DLGAP2: variants seen among roughly 807,000 people sequenced by gnomAD.
DLGAP2 encodes DLG associated protein 2.
DLGAP2 carries 26 observed loss-of-function variants against 100.3 expected under a neutral mutation model. That is an observed-to-expected ratio of 0.26 (90% CI 0.19 to 0.36). DLGAP2 has a LOEUF of 0.36. Among genes scored for constraint, DLGAP2 ranks in the 10% least tolerant of loss-of-function variants. DLGAP2 has a pLI of 1.00. For missense variants in DLGAP2, 1,858 were observed against 1,453.2 expected (o/e 1.28, Z -4.53); for synonymous variants, 886 against 630.1 (o/e 1.41, Z -6.08).
chr8:850,636 C>G (rs1389105658), intron 1 of DLGAP2, among the ~76,000 whole-genome samples: 2 of 152,034 alleles, frequency 1.3e-5, no homozygotes, highest in Non-Finnish European at 2.9e-5. Context: ...TTTATTTTAC[C>G]TAGAAGAAAA....
At chr8:1,140,964 C>T (rs926805892) in intron 2 of DLGAP2, among the ~76,000 whole-genome samples, 2 of 152,206 alleles carry the variant, frequency 1.3e-5, no homozygotes, top group Admixed American at 6.5e-5. Flanking sequence ...GCCTGGGTGA[C>T]AGGGCAAGAC....
chr8:1,342,829 G>C (rs930222987), intron 3 of DLGAP2, among the ~76,000 whole-genome samples: 2 of 152,170 alleles, frequency 1.3e-5, no homozygotes, highest in African/African-American at 4.8e-5. Context: ...ATTTAGCGCT[G>C]TATTTCTAAG....
chr8:916,382 G>A (rs148813743), intron 2 of DLGAP2, among the ~76,000 whole-genome samples: 10,182 of 152,214 alleles, frequency 0.067, 491 homozygotes, highest in Admixed American at 0.13. Flanking sequence ...TTTTAGGGAC[G>A]TGGATGAAGC....
chr8:1,492,207 C>T (rs1327280758), intron 3 of DLGAP2, among the ~76,000 whole-genome samples: 1 of 152,162 alleles, frequency 6.6e-6, no homozygotes, highest in Non-Finnish European at 1.5e-5. Context: ...CAAAGAAAAG[C>T]CATTAGTAAT....
chr8:1,451,510 C>G (rs1798158763), intron 3 of DLGAP2, among the ~76,000 whole-genome samples: 1 of 109,888 alleles, frequency 9.1e-6, no homozygotes, highest in Non-Finnish European at 1.9e-5. Context: ...TCAGCACCAC[C>G]CCTGGTCCCA....
chr8:875,466 G>A (rs1244931746), intron 1 of DLGAP2, among the ~76,000 whole-genome samples: 1 of 152,182 alleles, frequency 6.6e-6, no homozygotes, highest in African/African-American at 2.4e-5. Flanking sequence ...GAGATCTGGT[G>A]ATTTCATAAG....
At chr8:1,294,131 A>G (rs555372678) in intron 3 of DLGAP2, among the ~76,000 whole-genome samples, 40 of 152,218 alleles carry the variant, frequency 2.6e-4, no homozygotes, top group African/African-American at 8.9e-4. Flanking sequence ...GGGCAGACAC[A>G]TCACCTCCCG....
chr8:884,702 G>A (rs1448524439), intron 1 of DLGAP2, among the ~76,000 whole-genome samples: 3 of 152,072 alleles, frequency 2.0e-5, no homozygotes, highest in Admixed American at 2.0e-4. Flanking sequence ...TGAAGTCTTT[G>A]CCCTTGCCTA....
At chr8:1,638,255 A>G (rs144735455) in intron 8 of DLGAP2, among the ~76,000 whole-genome samples, 1 of 152,272 alleles carries the variant, frequency 6.6e-6, no homozygotes, top group East Asian at 1.9e-4. Flanking sequence ...GACCCTTCGA[A>G]GAGGTGACCA....
At chr8:824,856 G>A (rs1200086402) in intron 1 of DLGAP2, among the ~76,000 whole-genome samples, 2 of 152,114 alleles carry the variant, frequency 1.3e-5, no homozygotes, top group Admixed American at 6.5e-5. Context: ...GCCTCCAGCC[G>A]CAATTCACTG....
chr8:1,675,335 A>AC (rs367908999), intron 10 of DLGAP2, among the ~76,000 whole-genome samples: 49 of 151,832 alleles, frequency 3.2e-4, no homozygotes, highest in African/African-American at 1.1e-3. Flanking sequence ...TGAGCAAGTC[A>AC]CCCCCCTCCT....
chr8:1,202,509 C>G (rs569004546), intron 2 of DLGAP2, among the ~76,000 whole-genome samples: 1 of 151,982 alleles, frequency 6.6e-6, no homozygotes, highest in Non-Finnish European at 1.5e-5. Flanking sequence ...GTCAGACATA[C>G]AAAAACATGT....
Position 1,164,142 on chromosome 8 carries a change from G to GGATA in DLGAP2, c.74-94706_74-94705insAGAT, listed in dbSNP as rs1554494598. On this transcript the variant is annotated intron_variant, in intron 2 of 14. Coordinates refer to ENST00000637795, the MANE Select transcript of DLGAP2 (RefSeq NM_001346810.2). ...CAGGGCCCGTCATTTTGGTTTGTGG[G>GGATA]GATTTTTCTGTGAGCCCCCCAGGGC... Among the ~76,000 whole-genome samples, 5 of 28,522 alleles carry GGATA rather than the reference G, an allele frequency of 1.8e-4. 1 individual carries two copies. Among genetic ancestry groups the GGATA allele is most frequent in the Non-Finnish European group, 4.2e-4 (5 of 11,968 alleles). 18.7% of individuals were successfully genotyped at this position (28,522 alleles called of 152,430 possible).
chr8:1,003,573 C>G (rs921131141), intron 2 of DLGAP2, among the ~76,000 whole-genome samples: 3 of 152,256 alleles, frequency 2.0e-5, no homozygotes, highest in Non-Finnish European at 4.4e-5. Context: ...GTTGAAGCCA[C>G]TGTTCCTGAT....
intron 3 of DLGAP2, among the ~76,000 whole-genome samples, chr8:1,294,195 C>T (rs1800120574): frequency 6.6e-6 from 1 of 152,172 alleles, no homozygotes; most frequent in African/African-American, 2.4e-5. Context: ...CCCACACATC[C>T]CCTCCCACCT....
At chr8:1,115,127 A>T (rs1466524540) in intron 2 of DLGAP2, among the ~76,000 whole-genome samples, 1 of 152,160 alleles carries the variant, frequency 6.6e-6, no homozygotes, top group East Asian at 1.9e-4. Flanking sequence ...TCTGTTTTAG[A>T]GTGTGTGCCA....
intron 2 of DLGAP2, among the ~76,000 whole-genome samples, chr8:923,055 G>T (rs1363157055): frequency 6.6e-6 from 1 of 152,080 alleles, no homozygotes; most frequent in Non-Finnish European, 1.5e-5. Context: ...TTGCTACCAT[G>T]TTAAAAGCTA....
At chr8:1,344,109 A>AGGGCCCTGTCGTAAGTCCG (rs1801486457) in intron 3 of DLGAP2, among the ~76,000 whole-genome samples, 1 of 26,832 alleles carries the variant, frequency 3.7e-5, no homozygotes, top group African/African-American at 8.9e-5. Flanking sequence ...TCGTGGGTCC[A>AGGGCCCTGTCGTAAGTCCG]TGTATTCGGG....
intron 1 of DLGAP2, among the ~76,000 whole-genome samples, chr8:792,936 C>T (rs1322341439): frequency 6.6e-6 from 1 of 152,186 alleles, no homozygotes; most frequent in Non-Finnish European, 1.5e-5. Flanking sequence ...GCTTTTCTAT[C>T]AGCACCTTTT....
Sources: gnomAD v4.1 joint callset for allele counts (sites outside exome capture counted in the v4.1 genomes callset) on GRCh38, gnomAD v4.1.1 for gene constraint, MANE v1.5 for transcripts, NCBI Gene and HGNC (gene_info 2026-07-23, HGNC 2026-07-21) for gene names.